The following NEB variants were observed in gnomAD, a reference collection of about 807,000 sequenced individuals.
NEB encodes the protein nebulin, also known as nemaline myopathy type 2.
A neutral mutation model predicts 952.2 loss-of-function variants in NEB; 512 were observed. That is an observed-to-expected ratio of 0.54 (90% CI 0.50 to 0.58). NEB has a LOEUF of 0.58. NEB is among the 20% of genes least tolerant of loss of function. NEB has a pLI of 0.00. For missense variants in NEB, 8,428 were observed against 9,231.1 expected, an observed-to-expected ratio of 0.91 and a Z score of 3.56; for synonymous variants, 2,900 against 3,149.8, an observed-to-expected ratio of 0.92 and a Z score of 2.66.
chr2:151,664,340 T>TAG (rs2099184176), intron 44 of NEB, among the ~76,000 whole-genome samples, 161 bp downstream of exon 44: 1 of 152,236 alleles, frequency 6.6e-6, no homozygotes. Context: ...AACAGATGAT[T>TAG]AGAGGGTACT....
At position 151,577,760 on chromosome 2, in the gene NEB, G is replaced by C. The variant is rs956719561; in HGVS notation, c.16705-1406C>G. ...CGCCAGGCTAATTTTTGTGTTTTTAGTAAAGACAGGGTTTCACCATGTTGG... is the reference window on the plus strand; with the variant it reads ...CGCCAGGCTAATTTTTGTGTTTTTACTAAAGACAGGGTTTCACCATGTTGG... On this transcript the variant is annotated intron_variant, in intron 105 of 181. Coordinates refer to ENST00000397345, the MANE Select transcript of NEB (RefSeq NM_001164508.2). Among the ~76,000 whole-genome samples the C allele has an allele frequency of 1.3e-5, 2 of 152,108 alleles. 1 individual carries two copies. Among genetic ancestry groups the C allele is most frequent in the Middle Eastern group, 6.3e-3 (2 of 316 alleles).
chr2:151,644,463 CTTACT>C lies in NEB; in HGVS notation c.7644_7644+4del. 6.2e-7 allele frequency: 1 copy of C among 1,605,116 alleles called. No individual in the cohort carries two copies. The highest frequency in any genetic ancestry group is 8.5e-7 in the Non-Finnish European group (1 of 1,172,000). ...AATCAATATCAACAGAGGATAAAAT[CTTACT>C]TCACTGGCAATTTCCCGGGAGGCTT... is the stretch of plus-strand genomic sequence containing the variant. On this transcript the variant is annotated splice_donor_variant and splice_donor_region_variant and coding_sequence_variant and intron_variant, in exon 56 of 182. Coordinates refer to ENST00000397345, the MANE Select transcript of NEB (RefSeq NM_001164508.2). LOFTEE classifies it high-confidence loss of function.
At position 151,497,725 on chromosome 2, in the gene NEB, G is replaced by A. The variant is rs113048349; in HGVS notation, c.24208-7C>T. 18,042 of 1,567,582 alleles carry A rather than the reference G, an allele frequency of 0.012. 141 individuals are homozygous for A. The highest frequency in any genetic ancestry group is 0.013 in the Middle Eastern group (78 of 6,004). ...TGTTTTCTTTGTATAACACCTGTGC[G>A]ATAAGAAAGCATCCAGAAAAACAAC... On this transcript the variant is annotated splice_polypyrimidine_tract_variant and splice_region_variant and intron_variant, in intron 170 of 181. Coordinates refer to ENST00000397345, the MANE Select transcript of NEB (RefSeq NM_001164508.2).
chr2:151,534,446 G>T, intron 142 of NEB: 1 of 741,124 alleles, frequency 1.3e-6, no homozygotes, highest in Non-Finnish European at 2.3e-6. Flanking sequence ...ACATACCCAA[G>T]ACAATAAAAA....
At chr2:151,683,937 A>T (rs534723016) in intron 28 of NEB, among the ~76,000 whole-genome samples, 2 of 152,308 alleles carry the variant, frequency 1.3e-5, no homozygotes, top group East Asian at 3.9e-4. Flanking sequence ...CCTTGAGGAC[A>T]TTTTGCTAAG....
chr2:151,505,869 T>G, intron 164 of NEB: 1 of 535,600 alleles, frequency 1.9e-6, no homozygotes, highest in South Asian at 2.4e-5. Context: ...GTCGTTTGAC[T>G]AGGATAAACA....
chr2:151,556,483 T>C lies in NEB; in HGVS notation c.19315-1439A>G, dbSNP rs374205890. On this transcript the variant is annotated intron_variant, in intron 124 of 181. Coordinates refer to ENST00000397345, the MANE Select transcript of NEB (RefSeq NM_001164508.2). Reference sequence around the variant, plus strand: ...TTTAAAGTGTTACAGAAAATGTTCCTGATTAAGAGATAAAGTCTCTAATTT... The same window carrying C: ...TTTAAAGTGTTACAGAAAATGTTCCCGATTAAGAGATAAAGTCTCTAATTT... Among the ~76,000 whole-genome samples the C allele has an allele frequency of 7.2e-5, 11 of 152,340 alleles. No homozygotes were observed. In the East Asian group the frequency reaches 1.5e-3, roughly 21 times the overall value.
chr2:151,518,537 G>A (rs1271439429), intron 155 of NEB, 115 bp from the exon 156 acceptor site: 2 of 702,076 alleles, frequency 2.8e-6, no homozygotes, highest in Non-Finnish European at 5.0e-6. Flanking sequence ...AACTAAAAAT[G>A]GCAAACACTA....
chr2:151,527,648 A>G lies in NEB; in HGVS notation c.21736-63T>C, dbSNP rs1194447581. On this transcript the variant is annotated intron_variant, in intron 146 of 181. Coordinates refer to ENST00000397345, the MANE Select transcript of NEB (RefSeq NM_001164508.2). ...GTAGGCTAAATTCATAAACACACACATGGCACAGAGGGGCTCTTGCATTTC... is the reference window on the plus strand; with the variant it reads ...GTAGGCTAAATTCATAAACACACACGTGGCACAGAGGGGCTCTTGCATTTC... The G allele has an allele frequency of 5.8e-6, 7 of 1,201,960 alleles. No homozygotes were observed. In the East Asian group the frequency reaches 9.9e-5, roughly 17 times the overall value. The allele number at this position is 1,201,960 out of a possible 1,614,324, so 74.5% of individuals were successfully genotyped here. A position where few individuals can be genotyped will look rare whatever the true frequency, so the allele number is the denominator to read the frequency against.
intron 128 of NEB, 73 bp from the exon 129 acceptor site, chr2:151,551,918 T>C: frequency 1.9e-6 from 2 of 1,034,162 alleles, no homozygotes. Flanking sequence ...AAAATAACGG[T>C]AGCCTGCTTC....
In NEB at chr2:151,727,787, C is replaced by T; in HGVS notation, c.198G>A (p.Val66=). Reference sequence around the variant, plus strand: ...TCTTCCGGATGACCTTCCTCCTCTCCACCGGCTTTGCTGATGCTGGCTGTG... The same window carrying T: ...TCTTCCGGATGACCTTCCTCCTCTCTACCGGCTTTGCTGATGCTGGCTGTG... ...ALAQPASAKP[V]ERRKVIRKKV... is the part of the protein sequence containing the mutation. Residue 66 remains valine (V), a synonymous_variant, in exon 5 of 182, where the codon GTG becomes GTA. Coordinates refer to ENST00000397345, the MANE Select transcript of NEB (RefSeq NM_001164508.2). 2 of 1,613,346 alleles carry T rather than the reference C, an allele frequency of 1.2e-6. No homozygotes were observed. The highest frequency in any genetic ancestry group is 1.7e-6 in the Non-Finnish European group (2 of 1,179,576).
At chr2:151,498,733 GA>G (rs2062102189) in intron 169 of NEB, among the ~76,000 whole-genome samples, 2 of 152,170 alleles carry the variant, frequency 1.3e-5, no homozygotes, top group Non-Finnish European at 2.9e-5. Flanking sequence ...ATCACATAGG[GA>G]TATTTGGGTT....
rs1455295349 is a variant in NEB at position 151,640,004 on chromosome 2, G to A, written c.8742C>T (p.Gly2914=). The A allele has an allele frequency of 1.3e-5, 21 of 1,613,922 alleles. No individual in the cohort carries two copies. Among genetic ancestry groups the A allele is most frequent in the Non-Finnish European group, 1.8e-5 (21 of 1,179,850 alleles). ...WMRGIGWVSI[G]SLDVEKCKRA... ...TTTTGCATTTTTCCACATCCAAAGA[G>A]CCAATGGACACCCAGCCAATGCCTC... The change falls in exon 62 of 182, where the codon GGC becomes GGT. Residue 2914 remains glycine, a synonymous_variant. Transcript: ENST00000397345.
rs1380576713 is a variant in NEB, at chr2:151,506,068, T to G, written c.23649+98A>C. The G allele has an allele frequency of 1.3e-5, 13 of 1,026,962 alleles. No homozygotes were observed. In the East Asian group the frequency reaches 2.8e-4, roughly 22 times the overall value. The allele number at this position is 1,026,962 out of a possible 1,614,324, so 63.6% of individuals were successfully genotyped here. ...AGGCACCTATTTTAGCAATATAAGC[T>G]GTTTCTGGTGACAGAGGCTTTGAGT... On this transcript the variant is annotated intron_variant, in intron 164 of 181. Coordinates refer to ENST00000397345, the MANE Select transcript of NEB (RefSeq NM_001164508.2).
chr2:151,660,434 A>G (rs2099134375), intron 46 of NEB, among the ~76,000 whole-genome samples: 1 of 152,192 alleles, frequency 6.6e-6, no homozygotes, highest in African/African-American at 2.4e-5. Context: ...TGAGTTTTAA[A>G]TTTTAACGAA....
intron 75 of NEB, 58 bp downstream of exon 75, chr2:151,617,306 C>A: frequency 8.4e-7 from 1 of 1,194,064 alleles, no homozygotes; most frequent in Non-Finnish European, 1.2e-6. Context: ...CCTAAGGAAA[C>A]AGCTACAGTG....
Position 151,694,563 on chromosome 2 carries a change from G to A in NEB, c.1741C>T (p.Pro581Ser). 1.2e-6 allele frequency: 2 copies of A among 1,611,426 alleles called. No homozygotes were observed. The highest frequency in any genetic ancestry group is 1.7e-6 in the Non-Finnish European group (2 of 1,178,476). The stretch of plus-strand genomic sequence containing the variant: ...GTGTTGGCTTTGGCTGCCAGCAGGG[G>A]AATGGCATCCACTTTAATGTCAAAC... Reference protein sequence around the residue: ...KKFDIKVDAIPLLAAKANTKN... With the variant: ...KKFDIKVDAISLLAAKANTKN... The change falls in exon 19 of 182, where the codon CCC (proline) becomes TCC (serine). Residue 581 changes from proline (P) to serine (S), a missense_variant. Physicochemically the swap from Pro to Ser is moderately conservative, Grantham distance 74. This residue lies in a region of NEB where 2,851 missense variants were observed against 2,791.5 expected (regional missense o/e 1.02). Transcript: ENST00000397345.
intron 143 of NEB, among the ~76,000 whole-genome samples, chr2:151,532,729 G>A (rs529387833): frequency 6.8e-5 from 9 of 131,896 alleles, no homozygotes; most frequent in African/African-American, 2.5e-4. Context: ...AAGTTGCTAA[G>A]AGGAAAGCTC....
rs1345322098 is a variant in NEB at position 151,609,794 on chromosome 2, A to C, written c.12330+15T>G. 4 of 1,549,364 alleles carry C rather than the reference A, an allele frequency of 2.6e-6. No individual in the cohort carries two copies. Among genetic ancestry groups the C allele is most frequent in the Non-Finnish European group, 3.5e-6 (4 of 1,149,236 alleles). On this transcript the variant is annotated intron_variant, in intron 81 of 181. Transcript: ENST00000397345. ...ATCTTCCCCTTCCCCCTTTCCCAAAATTCATGTTACGTACATCACTCTGCA... is the reference window on the plus strand; with the variant it reads ...ATCTTCCCCTTCCCCCTTTCCCAAACTTCATGTTACGTACATCACTCTGCA...
Sources: gnomAD v4.1 joint callset for allele counts (sites outside exome capture counted in the v4.1 genomes callset) on GRCh38, gnomAD v4.1.1 for gene constraint, gnomAD v4.1.1 regional missense constraint, MANE v1.5 for transcripts, NCBI Gene and HGNC (gene_info 2026-07-23, HGNC 2026-07-21) for gene names.